AHR: variants seen among roughly 807,000 people sequenced by gnomAD.
AHR encodes aryl hydrocarbon receptor, also known as AH-receptor.
A neutral mutation model predicts 86.8 loss-of-function variants in AHR; 40 were observed. That is an observed-to-expected ratio of 0.46 (90% CI 0.36 to 0.60). The LOEUF is 0.60. Among genes scored for constraint, AHR ranks in the 20% least tolerant of loss-of-function variants. The pLI is 0.00. For missense variants in AHR, 1,001 were observed against 1,011.6 expected, an observed-to-expected ratio of 0.99 and a Z score of 0.14; for synonymous variants, 398 against 354.9, an observed-to-expected ratio of 1.12 and a Z score of -1.37.
chr7:17,329,529 T>G (rs1782264105), intron 4 of AHR, among the ~76,000 whole-genome samples: 2 of 151,830 alleles, frequency 1.3e-5, no homozygotes, highest in African/African-American at 2.4e-5. Context: ...GAAGAAAATT[T>G]TAGAGAACAG....
chr7:17,302,807 A>AT (rs1344652010), intron 1 of AHR, among the ~76,000 whole-genome samples: 6 of 150,892 alleles, frequency 4.0e-5, no homozygotes, highest in African/African-American at 1.5e-4. Context: ...AGAACAAAAA[A>AT]AAAATATATA....
intron 2 of AHR, 73 bp downstream of exon 2, chr7:17,310,196 G>A: frequency 2.2e-6 from 3 of 1,353,958 alleles, no homozygotes; most frequent in Non-Finnish European, 3.0e-6. Flanking sequence ...CTGTTTCTGT[G>A]TTAATAACTA....
intron 3 of AHR, 60 bp downstream of exon 3, chr7:17,322,667 A>C (rs1782186857): frequency 8.8e-7 from 1 of 1,142,540 alleles, no homozygotes; most frequent in Non-Finnish European, 1.3e-6. Flanking sequence ...AAAATGAATT[A>C]ATAAGTCTTT....
rs549479592 is a variant in AHR, at chr7:17,343,291, C to T, written c.*227C>T. On this transcript the variant is annotated 3_prime_UTR_variant, in exon 11 of 11. Coordinates refer to ENST00000242057, the MANE Select transcript of AHR (RefSeq NM_001621.5). ...AGTCAAGATAGAAAGGGTGCTGCCA[C>T]GGAGTGGTGAGGTACCGTCTACATT... 3.1e-5 allele frequency: 17 copies of T among 549,666 alleles called. No individual in the cohort carries two copies. Among genetic ancestry groups the T allele is most frequent in the Middle Eastern group, 4.5e-4 (1 of 2,236 alleles). 34.0% of individuals were successfully genotyped at this position (549,666 alleles called of 1,614,324 possible).
At chr7:17,336,206 G>T (rs1782353194) in intron 9 of AHR, 2 of 155,398 alleles carry the variant, frequency 1.3e-5, no homozygotes, top group African/African-American at 4.8e-5. Context: ...CTGGAGAATT[G>T]ATTTTTGTCT....
chr7:17,337,467 C>T (rs1782365387), intron 9 of AHR, among the ~76,000 whole-genome samples: 1 of 149,798 alleles, frequency 6.7e-6, no homozygotes, highest in Admixed American at 6.7e-5. Flanking sequence ...CATCTTTTTA[C>T]ATCTTTCTGT....
At chr7:17,303,723 A>C (rs1291562786) in intron 1 of AHR, among the ~76,000 whole-genome samples, 2 of 151,998 alleles carry the variant, frequency 1.3e-5, no homozygotes, top group Admixed American at 1.3e-4. Flanking sequence ...GGACGTGTAA[A>C]TTTTAATGCA....
At chr7:17,299,439 A>G (rs1781931210) in intron 1 of AHR, 110 bp downstream of exon 1, 3 of 1,272,404 alleles carry the variant, frequency 2.4e-6, no homozygotes, top group South Asian at 1.4e-5. Context: ...GATTAGGTCC[A>G]TTCCCGGCAC....
Position 17,343,068 on chromosome 7 carries a change from C to T in AHR, c.*4C>T. 1 of 1,613,454 alleles carries T rather than the reference C, an allele frequency of 6.2e-7. No homozygotes were observed. The highest frequency in any genetic ancestry group is 8.5e-7 in the Non-Finnish European group (1 of 1,179,706). ...GACATCCAGTGGATTCCTGTAATTC[C>T]AAGCCCAATTTTGACCCTGGTTTTT... On this transcript the variant is annotated 3_prime_UTR_variant, in exon 11 of 11. Transcript: ENST00000242057.
rs372879452 is a variant in AHR, at chr7:17,308,700, AACAC to A, written c.66-1208_66-1205del. On this transcript the variant is annotated intron_variant, in intron 1 of 10. Transcript: ENST00000242057. ...GAAGGTATCTGTTGATACATACATA[AACAC>A]ACACACACACACACACACACACACA... Among the ~76,000 whole-genome samples, 622 of 139,540 alleles carry A rather than the reference AACAC, an allele frequency of 4.5e-3. 5 individuals are homozygous for A. Among genetic ancestry groups the A allele is most frequent in the Admixed American group, 5.9e-3 (82 of 13,852 alleles). 91.5% of individuals were successfully genotyped at this position (139,540 alleles called of 152,430 possible).
chr7:17,318,792 A>G (rs921447514), intron 2 of AHR, among the ~76,000 whole-genome samples: 5 of 152,192 alleles, frequency 3.3e-5, no homozygotes, highest in Admixed American at 2.0e-4. Context: ...CATTAATAAC[A>G]TGAACAGCCG....
intron 1 of AHR, among the ~76,000 whole-genome samples, chr7:17,303,707 C>A (rs1211903783): frequency 1.3e-5 from 2 of 151,904 alleles, no homozygotes; most frequent in East Asian, 1.9e-4. Context: ...TCAGAGAATA[C>A]CCTTGGGACG....
chr7:17,310,639 A>G (rs903619287), intron 2 of AHR, among the ~76,000 whole-genome samples: 67 of 151,128 alleles, frequency 4.4e-4, no homozygotes, highest in African/African-American at 1.5e-3. Context: ...GGTTCAAGCG[A>G]TTCTCCTGCT....
At chr7:17,342,680 T>A (rs1782438837) in intron 10 of AHR, among the ~76,000 whole-genome samples, 1 of 152,166 alleles carries the variant, frequency 6.6e-6, no homozygotes, top group African/African-American at 2.4e-5. Context: ...CACTCATCTG[T>A]ACCATGTTCA....
At position 17,340,157 on chromosome 7, in the gene AHR, C is replaced by T; in HGVS notation, c.2332C>T (p.Pro778Ser). ...GTCGATGTATCAGTGCCAGCCAGAA[C>T]CTCAGCACACCCACGTGGGTCAGAT... ...AVSMYQCQPE[P>S]QHTHVGQMQY... The change falls in exon 10 of 11, where the codon CCT becomes TCT. Residue 778 changes from proline to serine, a missense_variant. Physicochemically the swap from Pro to Ser is moderately conservative, Grantham distance 74. Around this residue, in one of 2 missense-constraint regions of AHR, gnomAD observed 607 missense variants for 543.1 expected, o/e 1.12. Transcript: ENST00000242057. 6.2e-7 allele frequency: 1 copy of T among 1,614,210 alleles called. No homozygotes were observed. The highest frequency in any genetic ancestry group is 2.2e-5 in the East Asian group (1 of 44,884).
intron 2 of AHR, among the ~76,000 whole-genome samples, chr7:17,310,908 GA>G (rs1782057733): frequency 6.6e-6 from 1 of 152,130 alleles, no homozygotes; most frequent in Non-Finnish European, 1.5e-5. Flanking sequence ...TCACTAGAAA[GA>G]ACATTTGATT....
At position 17,300,490 on chromosome 7, in the gene AHR, T is replaced by G. The variant is rs1377644361; in HGVS notation, c.65+1161T>G. 2.6e-5 allele frequency among the ~76,000 whole-genome samples: 4 copies of G among 152,278 alleles called. No homozygotes were observed. The East Asian group carries it at 7.7e-4, about 29-fold the overall frequency. ...TTGGTTTAAAGTTTCATTCTAAAATTTTAGTTTCCTTTCAGAATTTCAGTT... is the reference window on the plus strand; with the variant it reads ...TTGGTTTAAAGTTTCATTCTAAAATGTTAGTTTCCTTTCAGAATTTCAGTT... On this transcript the variant is annotated intron_variant, in intron 1 of 10. Transcript: ENST00000242057.
intron 1 of AHR, 127 bp from the exon 2 acceptor site, chr7:17,309,809 T>C (rs1313269376): frequency 1.0e-5 from 8 of 790,322 alleles, no homozygotes; most frequent in Non-Finnish European, 1.3e-5. Context: ...AAGACTTACG[T>C]AAACTTTAAG....
intron 1 of AHR, among the ~76,000 whole-genome samples, chr7:17,308,695 A>G (rs1031466096): frequency 7.3e-5 from 11 of 150,432 alleles, no homozygotes; most frequent in Non-Finnish European, 1.5e-4. Flanking sequence ...GTTGATACAT[A>G]CATAAACACA....
Sources: gnomAD v4.1 joint callset for allele counts (sites outside exome capture counted in the v4.1 genomes callset) on GRCh38, gnomAD v4.1.1 for gene constraint, gnomAD v4.1.1 regional missense constraint, MANE v1.5 for transcripts, NCBI Gene and HGNC (gene_info 2026-07-23, HGNC 2026-07-21) for gene names.